SPAG16: variants seen among roughly 807,000 people sequenced by gnomAD.
SPAG16 encodes the protein sperm associated antigen 16.
SPAG16 carries 86 observed loss-of-function variants against 80.4 expected under a neutral mutation model. That is an observed-to-expected ratio of 1.07 (90% CI 0.90 to 1.28). The LOEUF (loss-of-function observed/expected upper bound fraction) is 1.28. Among genes scored for constraint, SPAG16 ranks in the 50% most tolerant of loss-of-function variants. The pLI is 0.00. For synonymous variants in SPAG16, 294 were observed against 265.9 expected, an observed-to-expected ratio of 1.11 and a Z score of -1.03; for missense variants, 870 against 765.3, an observed-to-expected ratio of 1.14 and a Z score of -1.61.
chr2:213,530,087 A>G (rs2076019278), intron 10 of SPAG16, among the ~76,000 whole-genome samples: 1 of 152,236 alleles, frequency 6.6e-6, no homozygotes, highest in South Asian at 2.1e-4. Context: ...GCCATCTTCT[A>G]GAATACCTCC....
chr2:213,647,187 T>C (rs992269334), intron 10 of SPAG16, among the ~76,000 whole-genome samples: 1 of 152,162 alleles, frequency 6.6e-6, no homozygotes, highest in Non-Finnish European at 1.5e-5. Flanking sequence ...TATTGTGTGG[T>C]GGGCCCTCAG....
At chr2:213,904,185 C>T (rs904157941) in intron 11 of SPAG16, among the ~76,000 whole-genome samples, 3 of 152,136 alleles carry the variant, frequency 2.0e-5, no homozygotes, top group African/African-American at 7.2e-5. Flanking sequence ...TTTTGGTTAC[C>T]TTGTCAGCAA....
At chr2:214,204,755 T>C (rs2058096440) in intron 15 of SPAG16, among the ~76,000 whole-genome samples, 1 of 152,038 alleles carries the variant, frequency 6.6e-6, no homozygotes, top group Non-Finnish European at 1.5e-5. Flanking sequence ...TCTGGTAATA[T>C]GACAAAACAA....
chr2:214,219,318 A>T (rs927417353), intron 15 of SPAG16, among the ~76,000 whole-genome samples: 1 of 152,184 alleles, frequency 6.6e-6, no homozygotes, highest in Non-Finnish European at 1.5e-5. Flanking sequence ...ATTATTGATT[A>T]TAATGAGTAG....
At chr2:214,016,933 G>A (rs183780124) in intron 13 of SPAG16, among the ~76,000 whole-genome samples, 1 of 152,102 alleles carries the variant, frequency 6.6e-6, no homozygotes, top group Non-Finnish European at 1.5e-5. Flanking sequence ...ATAAATAAAG[G>A]AATATGGTAA....
At chr2:213,342,460 T>C (rs1413882640) in intron 6 of SPAG16, among the ~76,000 whole-genome samples, 1 of 150,680 alleles carries the variant, frequency 6.6e-6, no homozygotes, top group Non-Finnish European at 1.5e-5. Context: ...TTTTTGTTAC[T>C]TTTTCTGAGT....
chr2:213,413,832 C>A (rs149099964), intron 9 of SPAG16, among the ~76,000 whole-genome samples: 1 of 152,132 alleles, frequency 6.6e-6, no homozygotes. Context: ...AACAATTTAA[C>A]TTCTTTTCGA....
At chr2:214,347,333 A>G (rs1180521848) in intron 15 of SPAG16, among the ~76,000 whole-genome samples, 1 of 134,096 alleles carries the variant, frequency 7.5e-6, no homozygotes, top group African/African-American at 2.6e-5. Context: ...GATGAACTAA[A>G]GAACAAAATA....
At chr2:214,159,099 C>T (rs1242411774) in intron 15 of SPAG16, among the ~76,000 whole-genome samples, 1 of 151,838 alleles carries the variant, frequency 6.6e-6, no homozygotes, top group Non-Finnish European at 1.5e-5. Context: ...ATATAATTAG[C>T]TATGCTGGTA....
At chr2:214,041,096 A>G (rs2048981099) in intron 13 of SPAG16, among the ~76,000 whole-genome samples, 1 of 148,988 alleles carries the variant, frequency 6.7e-6, no homozygotes, top group Non-Finnish European at 1.5e-5. Flanking sequence ...TTATACTTTT[A>G]TTTGAATATA....
At chr2:214,396,953 G>C (rs1018346283) in intron 15 of SPAG16, among the ~76,000 whole-genome samples, 1 of 151,454 alleles carries the variant, frequency 6.6e-6, no homozygotes. Context: ...GGATTTACTA[G>C]GAAAGTATAA....
At chr2:213,425,687 C>T (rs2069872803) in intron 9 of SPAG16, among the ~76,000 whole-genome samples, 2 of 150,036 alleles carry the variant, frequency 1.3e-5, no homozygotes, top group Admixed American at 1.3e-4. Context: ...CAAATTGTTG[C>T]AGGAAAAGTC....
intron 10 of SPAG16, among the ~76,000 whole-genome samples, chr2:213,639,709 G>A (rs879736955): frequency 6.6e-5 from 10 of 152,128 alleles, no homozygotes; most frequent in Non-Finnish European, 7.4e-5. Flanking sequence ...AACCTGATAA[G>A]TATGTGCCTA....
At chr2:213,781,371 T>C (rs1370409587) in intron 10 of SPAG16, among the ~76,000 whole-genome samples, 1 of 152,154 alleles carries the variant, frequency 6.6e-6, no homozygotes, top group Admixed American at 6.5e-5. Flanking sequence ...ATAAGATATA[T>C]TACCTTGATA....
chr2:214,355,366 A>G (rs1399826152), intron 15 of SPAG16, among the ~76,000 whole-genome samples: 3 of 140,948 alleles, frequency 2.1e-5, no homozygotes, highest in Non-Finnish European at 4.7e-5. Flanking sequence ...GGCGAAGGAC[A>G]TGAACAGACA....
chr2:213,701,484 T>C (rs1219702891), intron 10 of SPAG16, among the ~76,000 whole-genome samples: 2 of 152,152 alleles, frequency 1.3e-5, no homozygotes, highest in African/African-American at 4.8e-5. Context: ...AGCCCGCTGC[T>C]GCACTGTGGG....
intron 10 of SPAG16, among the ~76,000 whole-genome samples, chr2:213,830,658 G>C (rs182977081): frequency 2.0e-5 from 3 of 152,004 alleles, no homozygotes; most frequent in Non-Finnish European, 4.4e-5. Flanking sequence ...AAAATTATGA[G>C]TTAATTTTTG....
chr2:214,024,301 A>G (rs920138709), intron 13 of SPAG16, among the ~76,000 whole-genome samples: 1 of 151,576 alleles, frequency 6.6e-6, no homozygotes, highest in Non-Finnish European at 1.5e-5. Context: ...TGCTTACCCA[A>G]CTGATTTTTA....
chr2:213,544,623 T>A (rs2125925114), intron 10 of SPAG16, among the ~76,000 whole-genome samples: 1 of 152,230 alleles, frequency 6.6e-6, no homozygotes, highest in Non-Finnish European at 1.5e-5. Flanking sequence ...ACCATTATAG[T>A]ATCAAACAGG....
Sources: gnomAD v4.1 joint callset for allele counts (sites outside exome capture counted in the v4.1 genomes callset) on GRCh38, gnomAD v4.1.1 for gene constraint, MANE v1.5 for transcripts, NCBI Gene and HGNC (gene_info 2026-07-23, HGNC 2026-07-21) for gene names.